Variants in PAK5 observed in about 807,000 individuals in gnomAD.
The protein encoded by PAK5 is serine/threonine-protein kinase PAK 5.
A neutral mutation model predicts 65.9 loss-of-function variants in PAK5; 16 were observed. The observed-to-expected ratio is 0.24, with a 90% confidence interval of 0.16 to 0.37. The LOEUF is 0.37. Ranked by LOEUF, PAK5 falls within the 10% of genes least tolerant of loss-of-function variation. The pLI is 1.00. For synonymous variants in PAK5, 371 were observed against 354.9 expected, an observed-to-expected ratio of 1.05 and a Z score of -0.51; for missense variants, 785 against 903.9, an observed-to-expected ratio of 0.87 and a Z score of 1.69.
At chr20:9,706,437 T>C (rs1600267268) in intron 2 of PAK5, among the ~76,000 whole-genome samples, 1 of 152,010 alleles carries the variant, frequency 6.6e-6, no homozygotes, top group East Asian at 1.9e-4. Flanking sequence ...TCCTCCTTCC[T>C]TTCTTGTTGA....
chr20:9,685,141 A>AT (rs2047700815), intron 2 of PAK5, among the ~76,000 whole-genome samples: 3 of 152,174 alleles, frequency 2.0e-5, no homozygotes, highest in African/African-American at 7.2e-5. Flanking sequence ...CATGTTCTCT[A>AT]GCACACTGAG....
chr20:9,649,453 G>T (rs2047175486), intron 2 of PAK5, among the ~76,000 whole-genome samples: 1 of 152,200 alleles, frequency 6.6e-6, no homozygotes, highest in South Asian at 2.1e-4. Flanking sequence ...TCATAGAAGA[G>T]ACTGAAGGAA....
chr20:9,638,183 T>A (rs1260275432), intron 3 of PAK5, among the ~76,000 whole-genome samples: 1 of 152,268 alleles, frequency 6.6e-6, no homozygotes, highest in African/African-American at 2.4e-5. Context: ...CCATTCAACC[T>A]GCCCTTTACA....
At chr20:9,779,298 A>G (rs773090472) in intron 1 of PAK5, among the ~76,000 whole-genome samples, 3 of 151,578 alleles carry the variant, frequency 2.0e-5, no homozygotes, top group Non-Finnish European at 2.9e-5. Flanking sequence ...GCCTGGGAGA[A>G]AGCTGTGCAT....
chr20:9,755,019 C>A (rs1260718513), intron 1 of PAK5, among the ~76,000 whole-genome samples: 1 of 152,090 alleles, frequency 6.6e-6, no homozygotes, highest in East Asian at 1.9e-4. Context: ...ATCAGCTGAC[C>A]AAATGTGATG....
chr20:9,568,722 T>C (rs572842601), intron 4 of PAK5, among the ~76,000 whole-genome samples: 182 of 152,250 alleles, frequency 1.2e-3, no homozygotes, highest in Admixed American at 2.7e-3. Flanking sequence ...ATGCCAGAGC[T>C]TTGGGAGGCT....
intron 2 of PAK5, among the ~76,000 whole-genome samples, chr20:9,706,500 A>G (rs1487557839): frequency 6.8e-6 from 1 of 146,172 alleles, no homozygotes; most frequent in African/African-American, 2.6e-5. Context: ...TTTTTAAGAC[A>G]GGGTGTGTTG....
intron 3 of PAK5, among the ~76,000 whole-genome samples, chr20:9,622,252 T>A (rs960511833): frequency 6.6e-6 from 1 of 152,224 alleles, no homozygotes; most frequent in Non-Finnish European, 1.5e-5. Flanking sequence ...AAATAACAGA[T>A]GATCTAGATC....
chr20:9,681,566 T>A (rs911106236), intron 2 of PAK5, among the ~76,000 whole-genome samples: 5 of 152,156 alleles, frequency 3.3e-5, no homozygotes, highest in African/African-American at 9.7e-5. Flanking sequence ...TTGAATAATA[T>A]CCCTGGAGAT....
chr20:9,665,548 T>A (rs1315245991), intron 2 of PAK5, among the ~76,000 whole-genome samples: 1 of 151,082 alleles, frequency 6.6e-6, no homozygotes, highest in Non-Finnish European at 1.5e-5. Context: ...AGTGGCATGA[T>A]CACAGATCAC....
At chr20:9,782,850 C>T (rs947336737) in intron 1 of PAK5, among the ~76,000 whole-genome samples, 1 of 151,960 alleles carries the variant, frequency 6.6e-6, no homozygotes, top group Non-Finnish European at 1.5e-5. Flanking sequence ...CCACCACCAT[C>T]GTCAAACATT....
chr20:9,555,855 G>A (rs1178828887), intron 7 of PAK5, among the ~76,000 whole-genome samples: 1 of 152,188 alleles, frequency 6.6e-6, no homozygotes, highest in Non-Finnish European at 1.5e-5. Context: ...GGTATCATGT[G>A]AGTAAGTCCA....
chr20:9,618,253 C>T (rs1459011127), intron 3 of PAK5, among the ~76,000 whole-genome samples: 1 of 151,974 alleles, frequency 6.6e-6, no homozygotes, highest in Non-Finnish European at 1.5e-5. Flanking sequence ...GTCAGGTACC[C>T]CCCCAAGTTT....
chr20:9,819,713 G>GGTGGA (rs1253562762), intron 1 of PAK5, among the ~76,000 whole-genome samples: 1 of 152,088 alleles, frequency 6.6e-6, no homozygotes, highest in African/African-American at 2.4e-5. Flanking sequence ...CTAGGGGTGG[G>GGTGGA]TTTGGACCCA....
chr20:9,700,586 T>C lies in PAK5; in HGVS notation c.-12+10700A>G, dbSNP rs189418602. Among the ~76,000 whole-genome samples, 133 of 152,310 alleles carry C rather than the reference T, an allele frequency of 8.7e-4. 1 individual carries two copies. The highest frequency in any genetic ancestry group is 2.8e-3 in the African/African-American group (118 of 41,570). ...ACTTAGGGGGGCTATTGCTGGATCATAGTATAGGCTTATATGTAGCTTTAG... is the reference window on the plus strand; with the variant it reads ...ACTTAGGGGGGCTATTGCTGGATCACAGTATAGGCTTATATGTAGCTTTAG... On this transcript the variant is annotated intron_variant, in intron 2 of 9. Transcript: ENST00000353224.
intron 3 of PAK5, among the ~76,000 whole-genome samples, chr20:9,634,547 G>T (rs547589530): frequency 6.6e-6 from 1 of 152,278 alleles, no homozygotes; most frequent in East Asian, 1.9e-4. Context: ...TACTTTTAAA[G>T]GGTGTGAGAA....
intron 1 of PAK5, among the ~76,000 whole-genome samples, chr20:9,757,102 T>A (rs1441356778): frequency 6.6e-6 from 1 of 152,194 alleles, no homozygotes; most frequent in Non-Finnish European, 1.5e-5. Flanking sequence ...CACCGAATTC[T>A]TTCCCTACCC....
In PAK5 at chr20:9,802,910, G is replaced by GTGTATATATATATATA. The variant is rs142279832; in HGVS notation, c.-162+35851_-162+35852insTATATATATATATACA. ...CTTCTGTACTATTGTATATGTATGT[G>GTGTATATATATATATA]TATATATATATATATATATATATGA... On this transcript the variant is annotated intron_variant, in intron 1 of 9. Coordinates refer to ENST00000353224, the MANE Select transcript of PAK5 (RefSeq NM_177990.4). Among the ~76,000 whole-genome samples, 101 of 46,370 alleles carry GTGTATATATATATATA rather than the reference G, an allele frequency of 2.2e-3. 1 individual carries two copies. The highest frequency in any genetic ancestry group is 0.018 in the Middle Eastern group (1 of 56). 30.4% of individuals were successfully genotyped at this position (46,370 alleles called of 152,430 possible).
At chr20:9,806,964 C>G (rs2049240304) in intron 1 of PAK5, among the ~76,000 whole-genome samples, 2 of 152,238 alleles carry the variant, frequency 1.3e-5, no homozygotes, top group African/African-American at 2.4e-5. Context: ...TCTTCAGCCT[C>G]TACAGTCTAC....
Sources: gnomAD v4.1 joint callset for allele counts (sites outside exome capture counted in the v4.1 genomes callset) on GRCh38, gnomAD v4.1.1 for gene constraint, MANE v1.5 for transcripts, NCBI Gene and HGNC (gene_info 2026-07-23, HGNC 2026-07-21) for gene names.